Variants in FBN1 observed in about 807,000 individuals in gnomAD.
FBN1 encodes the protein fibrillin-1.
A neutral mutation model predicts 365.1 loss-of-function variants in FBN1; 29 were observed. That is an observed-to-expected ratio of 0.08 (90% CI 0.06 to 0.11). The LOEUF is 0.11. Among genes scored for constraint, FBN1 ranks in the 10% least tolerant of loss-of-function variants. The probability of loss-of-function intolerance (pLI) is 1.00; values close to 1 mark genes in which losing one functional copy is unlikely to be tolerated. For synonymous variants in FBN1, 1,210 were observed against 1,270.5 expected, an observed-to-expected ratio of 0.95 and a Z score of 1.01; for missense variants, 2,476 against 3,703.2, an observed-to-expected ratio of 0.67 and a Z score of 8.60.
chr15:48,633,002 C>T (rs750355869), intron 2 of FBN1, among the ~76,000 whole-genome samples: 3 of 152,204 alleles, frequency 2.0e-5, no homozygotes, highest in African/African-American at 4.8e-5. Context: ...AAAGGCTGCA[C>T]ATCAAGTCCT....
chr15:48,582,267 G>A (rs755303684), intron 6 of FBN1, among the ~76,000 whole-genome samples: 13 of 152,160 alleles, frequency 8.5e-5, no homozygotes, highest in Non-Finnish European at 1.9e-4. Flanking sequence ...TCAGGCATTA[G>A]ACCTAAAATG....
At chr15:48,527,681 A>C (rs1239455416) in intron 8 of FBN1, among the ~76,000 whole-genome samples, 1 of 152,370 alleles carries the variant, frequency 6.6e-6, no homozygotes, top group East Asian at 1.9e-4. Context: ...AAAAGGCAGC[A>C]ATGACAGTGT....
At chr15:48,491,061 A>T (rs2141298707) in intron 24 of FBN1, among the ~76,000 whole-genome samples, 1 of 152,306 alleles carries the variant, frequency 6.6e-6, no homozygotes, top group Non-Finnish European at 1.5e-5. Flanking sequence ...ATTAAGATAA[A>T]TTATTTTTAA....
chr15:48,518,831 C>T (rs1452213710), intron 10 of FBN1, among the ~76,000 whole-genome samples: 1 of 152,200 alleles, frequency 6.6e-6, no homozygotes, highest in Non-Finnish European at 1.5e-5. Flanking sequence ...AGCACCAGTA[C>T]TGGAACATTT....
chr15:48,568,968 TAAAAGA>T (rs1421779219), intron 6 of FBN1, among the ~76,000 whole-genome samples: 1 of 151,888 alleles, frequency 6.6e-6, no homozygotes, highest in Admixed American at 6.6e-5. Flanking sequence ...GCACAATTCA[TAAAAGA>T]AAAAGACTGA....
intron 23 of FBN1, among the ~76,000 whole-genome samples, chr15:48,492,854 A>G (rs889442947): frequency 7.2e-5 from 11 of 152,206 alleles, no homozygotes; most frequent in African/African-American, 2.7e-4. Flanking sequence ...GAGTTCTTGG[A>G]GACAGCTCTG....
chr15:48,589,154 C>T (rs1262997576), intron 6 of FBN1, among the ~76,000 whole-genome samples: 1 of 152,210 alleles, frequency 6.6e-6, no homozygotes, highest in Non-Finnish European at 1.5e-5. Flanking sequence ...GGAAGTACCA[C>T]TGGATGCCCA....
At chr15:48,567,209 G>T (rs1054153331) in intron 6 of FBN1, among the ~76,000 whole-genome samples, 9 of 152,150 alleles carry the variant, frequency 5.9e-5, no homozygotes, top group Non-Finnish European at 1.3e-4. Flanking sequence ...CTTTAGGAAC[G>T]TTTTTATCAA....
intron 19 of FBN1, among the ~76,000 whole-genome samples, chr15:48,496,506 G>A (rs1348281883): frequency 1.3e-5 from 2 of 152,032 alleles, no homozygotes; most frequent in Non-Finnish European, 2.9e-5. Flanking sequence ...ATACAGATTT[G>A]CTGGAAATCA....
At chr15:48,547,169 C>T (rs1366118990) in intron 6 of FBN1, among the ~76,000 whole-genome samples, 1 of 151,920 alleles carries the variant, frequency 6.6e-6, no homozygotes, top group Admixed American at 6.6e-5. Flanking sequence ...CTTTTCCTTC[C>T]CTTCCTTTTT....
chr15:48,452,168 C>T (rs961911766), intron 45 of FBN1, among the ~76,000 whole-genome samples: 1 of 152,158 alleles, frequency 6.6e-6, no homozygotes, highest in East Asian at 1.9e-4. Flanking sequence ...GAAAACCTCA[C>T]CTTTCTGAGA....
chr15:48,461,176 G>A (rs2043278098), intron 42 of FBN1, among the ~76,000 whole-genome samples: 1 of 152,132 alleles, frequency 6.6e-6, no homozygotes. Context: ...TGTAACGCCA[G>A]CTGACATTGG....
At chr15:48,469,382 G>A (rs995743042) in intron 36 of FBN1, among the ~76,000 whole-genome samples, 4 of 151,974 alleles carry the variant, frequency 2.6e-5, no homozygotes, top group Admixed American at 1.3e-4. Context: ...CCCTGAGGTC[G>A]GCAAGGAGTG....
intron 4 of FBN1, 152 bp from the exon 5 acceptor site, chr15:48,600,386 C>T (rs1434415083): frequency 1.4e-6 from 1 of 694,192 alleles, no homozygotes; most frequent in Non-Finnish European, 2.6e-6. Flanking sequence ...ATTGAGAATG[C>T]TAAACATATT....
chr15:48,519,011 C>A (rs1033686104), intron 10 of FBN1, among the ~76,000 whole-genome samples: 2 of 152,216 alleles, frequency 1.3e-5, no homozygotes, highest in Non-Finnish European at 2.9e-5. Flanking sequence ...GGTCTTCCTG[C>A]AGGCACCTAA....
intron 63 of FBN1, among the ~76,000 whole-genome samples, chr15:48,417,001 C>A (rs2042907418): frequency 6.6e-6 from 1 of 152,166 alleles, no homozygotes; most frequent in Non-Finnish European, 1.5e-5. Context: ...TGTTTTACAG[C>A]TGAAGAAAGT....
At chr15:48,525,642 T>C (rs577510832) in intron 9 of FBN1, among the ~76,000 whole-genome samples, 1 of 152,284 alleles carries the variant, frequency 6.6e-6, no homozygotes, top group South Asian at 2.1e-4. Flanking sequence ...TAAGTCCTAA[T>C]GGAAAACTAC....
At chr15:48,419,607 C>G (rs1028079843) in intron 63 of FBN1, among the ~76,000 whole-genome samples, 2 of 152,192 alleles carry the variant, frequency 1.3e-5, no homozygotes, top group Non-Finnish European at 2.9e-5. Flanking sequence ...GGGGTCACTT[C>G]AGTCAACCCT....
At chr15:48,565,610 T>A (rs964390197) in intron 6 of FBN1, among the ~76,000 whole-genome samples, 1 of 147,312 alleles carries the variant, frequency 6.8e-6, no homozygotes. Flanking sequence ...ATTATTTAAA[T>A]GATGTTCAAT....
Sources: allele counts gnomAD v4.1 joint callset (sites outside exome capture counted in the v4.1 genomes callset), GRCh38; gene constraint gnomAD v4.1.1; transcripts MANE v1.5; gene names NCBI Gene and HGNC (gene_info 2026-07-23, HGNC 2026-07-21).